Variants in PRDM16 observed in about 807,000 individuals in gnomAD.
PRDM16 encodes the protein histone-lysine N-methyltransferase PRDM16.
In PRDM16, 23 loss-of-function variants were observed where a neutral mutation model predicts 110.6. The observed-to-expected ratio is 0.21, with a 90% CI of 0.15 to 0.29. The LOEUF is 0.29. Among genes scored for constraint, PRDM16 ranks in the 10% least tolerant of loss-of-function variants. PRDM16 has a pLI of 1.00. For synonymous variants in PRDM16, 799 were observed against 781.8 expected (o/e 1.02, Z -0.37); for missense variants, 1,615 against 1,794.3 (o/e 0.90, Z 1.81).
chr1:3,426,447 G>A (rs1006406418), intron 14 of PRDM16, among the ~76,000 whole-genome samples: 6 of 152,042 alleles, frequency 3.9e-5, no homozygotes, highest in African/African-American at 1.4e-4. Context: ...ATGAGAGTAA[G>A]CACCCCTGGG....
rs932156596 is a variant in PRDM16 at position 3,359,419 on chromosome 1, A to G, written c.439-25733A>G. Among the ~76,000 whole-genome samples the G allele has an allele frequency of 2.0e-5, 3 of 152,152 alleles. No homozygotes were observed. The highest frequency in any genetic ancestry group is 4.4e-5 in the Non-Finnish European group (3 of 68,028). On this transcript the variant is annotated intron_variant, in intron 3 of 16. Transcript: ENST00000270722. The surrounding 1 kb of genome is among the most constrained non-coding windows in gnomAD (Gnocchi z 4.3). Reference sequence around the variant, plus strand: ...AGCTTCCAGAGACCCTGCACATGGAACACATTGGAAGCCCTTGTCGGGTGC... The same window carrying G: ...AGCTTCCAGAGACCCTGCACATGGAGCACATTGGAAGCCCTTGTCGGGTGC...
chr1:3,411,987 A>T lies in PRDM16; in HGVS notation c.1790A>T (p.Asp597Val), dbSNP rs1643696247. Residue 597 changes from aspartate to valine, a missense_variant, in exon 9 of 17, where the codon GAC becomes GTC. Transcript: ENST00000270722. Reference sequence around the variant, plus strand: ...GAGAAGCTGAAGACCAGGAGCAGCGACATGTCGGACGGCAGTGACTTTGAG... The same window carrying T: ...GAGAAGCTGAAGACCAGGAGCAGCGTCATGTCGGACGGCAGTGACTTTGAG... Reference protein sequence around the residue: ...CVEKLKTRSSDMSDGSDFEDV... With the variant: ...CVEKLKTRSSVMSDGSDFEDV... 1 of 1,613,526 alleles carries T rather than the reference A, an allele frequency of 6.2e-7. No individual in the cohort carries two copies. Among genetic ancestry groups the T allele is most frequent in the Non-Finnish European group, 8.5e-7 (1 of 1,179,974 alleles).
In PRDM16 at chr1:3,437,870, G is replaced by C. The variant is rs967774505; in HGVS notation, c.*4059G>C. 1 of 218,530 alleles carries C rather than the reference G, an allele frequency of 4.6e-6. No individual in the cohort carries two copies. The highest frequency in any genetic ancestry group is 9.2e-6 in the Non-Finnish European group (1 of 108,752). The allele number at this position is 218,530 out of a possible 1,614,324, so 13.5% of individuals were successfully genotyped here. On this transcript the variant is annotated 3_prime_UTR_variant, in exon 17 of 17. Transcript: ENST00000270722. ...TCACGTGCATTGCCACTGCGCTTTC[G>C]GCACGAGGGATGCTGAGCCCTGGTG...
At chr1:3,094,532 T>C (rs971600901) in intron 1 of PRDM16, among the ~76,000 whole-genome samples, 7 of 152,308 alleles carry the variant, frequency 4.6e-5, no homozygotes, top group African/African-American at 1.7e-4. Context: ...GCTGCCCTTC[T>C]AAGCCCCCAG....
At position 3,384,379 on chromosome 1, in the gene PRDM16, G is replaced by T. The variant is rs533310564; in HGVS notation, c.439-773G>T. ...TGGCCAGAGTGGGGGAGGCTGGGGGGCCTGCAGCCGCCACCCATGGTCAGG... is the reference window on the plus strand; with the variant it reads ...TGGCCAGAGTGGGGGAGGCTGGGGGTCCTGCAGCCGCCACCCATGGTCAGG... On this transcript the variant is annotated intron_variant, in intron 3 of 16. Transcript: ENST00000270722. Among the ~76,000 whole-genome samples the T allele has an allele frequency of 8.2e-4, 125 of 152,308 alleles. 2 individuals are homozygous for T. In the South Asian group the frequency reaches 8.5e-3, roughly 10 times the overall value.
At chr1:3,241,315 T>C (rs1639669626) in intron 2 of PRDM16, among the ~76,000 whole-genome samples, 1 of 152,194 alleles carries the variant, frequency 6.6e-6, no homozygotes, top group Non-Finnish European at 1.5e-5. Context: ...TCTGTGCGGC[T>C]CTTCCGTGGT....
At chr1:3,135,309 C>T (rs900283941) in intron 1 of PRDM16, among the ~76,000 whole-genome samples, 6 of 152,122 alleles carry the variant, frequency 3.9e-5, no homozygotes, top group Non-Finnish European at 7.4e-5. Flanking sequence ...GGGGGCAGGG[C>T]GGGCCACGTG....
chr1:3,241,527 C>T lies in PRDM16; in HGVS notation c.388-2560C>T, dbSNP rs996961217. ...TATGACTGGGCCCTCCTGGTCAGTG[C>T]GTCGCATGTAACGCCTTCAACTATT... On this transcript the variant is annotated intron_variant, in intron 2 of 16. Transcript: ENST00000270722. Among the ~76,000 whole-genome samples, 5 of 152,224 alleles carry T rather than the reference C, an allele frequency of 3.3e-5. No homozygotes were observed. In the South Asian group the frequency reaches 1.0e-3, roughly 31 times the overall value.
At chr1:3,181,985 TTACACA>T (rs1557510958) in intron 1 of PRDM16, among the ~76,000 whole-genome samples, 7 of 152,078 alleles carry the variant, frequency 4.6e-5, no homozygotes, top group African/African-American at 1.7e-4. Flanking sequence ...AGTCACATGC[TTACACA>T]TGCAGTCACA....
At chr1:3,219,662 C>A (rs982052043) in intron 2 of PRDM16, among the ~76,000 whole-genome samples, 3 of 152,200 alleles carry the variant, frequency 2.0e-5, no homozygotes, top group Non-Finnish European at 2.9e-5. Context: ...AGATTCTGTG[C>A]AGATAATGTC....
rs776573121 is a variant in PRDM16 at position 3,243,850 on chromosome 1, T to C, written c.388-237T>C. On this transcript the variant is annotated intron_variant, in intron 2 of 16. Coordinates refer to ENST00000270722, the MANE Select transcript of PRDM16 (RefSeq NM_022114.4). This position sits in a 1 kb window ranked among gnomAD's most constrained non-coding sequence, Gnocchi z 5.5. ...TGTCTCCATCCCTGGAGTGCAGTGT[T>C]TCCAGGGAGGTGAAGTCCCTGGGGG... Among the ~76,000 whole-genome samples, 2 of 152,062 alleles carry C rather than the reference T, an allele frequency of 1.3e-5. No individual in the cohort carries two copies.
chr1:3,237,772 A>G (rs1639570972), intron 2 of PRDM16, among the ~76,000 whole-genome samples: 1 of 152,260 alleles, frequency 6.6e-6, no homozygotes, highest in African/African-American at 2.4e-5. Flanking sequence ...TTCTTGGAAC[A>G]TCAGAAAGAG....
At position 3,434,126 on chromosome 1, in the gene PRDM16, A is replaced by G; in HGVS notation, c.*315A>G. Reference sequence around the variant, plus strand: ...CAGTGGGCAGGTGGACGCTCTGCTGAGACAGAAGCTGGTGGCCACTGCCGG... The same window carrying G: ...CAGTGGGCAGGTGGACGCTCTGCTGGGACAGAAGCTGGTGGCCACTGCCGG... On this transcript the variant is annotated 3_prime_UTR_variant, in exon 17 of 17. Coordinates refer to ENST00000270722, the MANE Select transcript of PRDM16 (RefSeq NM_022114.4). 1 of 351,406 alleles carries G rather than the reference A, an allele frequency of 2.8e-6. No individual in the cohort carries two copies. The highest frequency in any genetic ancestry group is 5.2e-6 in the Non-Finnish European group (1 of 192,678). The allele number at this position is 351,406 out of a possible 1,614,324, so 21.8% of individuals were successfully genotyped here.
chr1:3,169,174 C>A (rs1021284696), intron 1 of PRDM16, among the ~76,000 whole-genome samples: 2 of 152,168 alleles, frequency 1.3e-5, no homozygotes, highest in African/African-American at 4.8e-5. Flanking sequence ...GCTAAATGGG[C>A]CCATGGAGGT....
intron 14 of PRDM16, among the ~76,000 whole-genome samples, chr1:3,428,490 G>A (rs1469290594): frequency 2.6e-5 from 4 of 152,222 alleles, no homozygotes; most frequent in South Asian, 4.1e-4. Flanking sequence ...GGCCTCAGAC[G>A]GACTCAGACT....
chr1:3,167,092 G>C (rs1348466031), intron 1 of PRDM16, among the ~76,000 whole-genome samples: 1 of 152,168 alleles, frequency 6.6e-6, no homozygotes. Flanking sequence ...GCACCTGGCA[G>C]GGAAGGCTCA....
rs556832716 is a variant in PRDM16, at chr1:3,350,590, G to C, written c.439-34562G>C. On this transcript the variant is annotated intron_variant, in intron 3 of 16. Coordinates refer to ENST00000270722, the MANE Select transcript of PRDM16 (RefSeq NM_022114.4). The surrounding 1 kb of genome is among the most constrained non-coding windows in gnomAD (Gnocchi z 7.1). ...CAGGGTGGCAGGCAGCTGTGGGCGGGTGGAAAGCAGAGCTGGGAGCCAGCC... is the reference window on the plus strand; with the variant it reads ...CAGGGTGGCAGGCAGCTGTGGGCGGCTGGAAAGCAGAGCTGGGAGCCAGCC... 6.6e-6 allele frequency among the ~76,000 whole-genome samples: 1 copy of C among 152,148 alleles called. No individual in the cohort carries two copies. The highest frequency in any genetic ancestry group is 1.5e-5 in the Non-Finnish European group (1 of 68,018).
At chr1:3,150,593 A>G (rs1643756407) in intron 1 of PRDM16, among the ~76,000 whole-genome samples, 1 of 151,934 alleles carries the variant, frequency 6.6e-6, no homozygotes. Context: ...AGATAAAATA[A>G]AAATGGAGGT....
intron 3 of PRDM16, among the ~76,000 whole-genome samples, chr1:3,328,327 A>G (rs1570082730): frequency 1.3e-5 from 2 of 152,344 alleles, no homozygotes; most frequent in East Asian, 3.9e-4. Context: ...GGGTGCTCAC[A>G]ACATCTCTGC....
Sources: gnomAD v4.1 joint callset for allele counts (sites outside exome capture counted in the v4.1 genomes callset) on GRCh38, gnomAD v4.1.1 for gene constraint, Gnocchi (gnomAD v3.1) non-coding constraint, MANE v1.5 for transcripts, NCBI Gene and HGNC (gene_info 2026-07-23, HGNC 2026-07-21) for gene names.